GAREM1: variants seen among roughly 807,000 people sequenced by gnomAD.
The protein encoded by GAREM1 is GRB2 associated regulator of MAPK1 subtype 1, also known as GRB2-associated and regulator of MAPK protein 1.
Under a neutral mutation model 71.3 loss-of-function variants are expected in GAREM1, and 26 were observed. The observed-to-expected ratio is 0.36, with a 90% CI of 0.27 to 0.51. The LOEUF (loss-of-function observed/expected upper bound fraction) is 0.51, where lower values mean the gene tolerates loss of function less well. GAREM1 is among the 20% of genes least tolerant of loss of function. GAREM1 has a pLI of 0.95. For synonymous variants in GAREM1, 440 were observed against 433.2 expected, an observed-to-expected ratio of 1.02 and a Z score of -0.20; for missense variants, 1,026 against 1,103.1, an observed-to-expected ratio of 0.93 and a Z score of 0.99.
chr18:32,372,525 AAAAC>A (rs1334838971), intron 2 of GAREM1, among the ~76,000 whole-genome samples: 2 of 152,228 alleles, frequency 1.3e-5, no homozygotes, highest in Non-Finnish European at 2.9e-5. Flanking sequence ...TATGCCTCTG[AAAAC>A]AAACAACCTT....
intron 2 of GAREM1, among the ~76,000 whole-genome samples, chr18:32,363,129 G>A (rs2047883194): frequency 6.6e-6 from 1 of 151,820 alleles, no homozygotes; most frequent in South Asian, 2.1e-4. Context: ...CTGAAAAACT[G>A]GATATACCAA....
chr18:32,266,008 A>C lies in GAREM1; in HGVS notation c.*1863T>G, dbSNP rs1487094333. 1 of 152,192 alleles carries C rather than the reference A, an allele frequency of 6.6e-6. No individual in the cohort carries two copies. The highest frequency in any genetic ancestry group is 1.5e-5 in the Non-Finnish European group (1 of 68,036). The allele number at this position is 152,192 out of a possible 1,614,324, so 9.4% of individuals were successfully genotyped here. ...CATGTCCTGTGAGTGCAGTACCAGCACTTCCTCATTGAGTTATCTGTGACT... is the reference window on the plus strand; with the variant it reads ...CATGTCCTGTGAGTGCAGTACCAGCCCTTCCTCATTGAGTTATCTGTGACT... On this transcript the variant is annotated 3_prime_UTR_variant, in exon 6 of 6. Transcript: ENST00000269209.
chr18:32,332,901 G>C (rs750526517), intron 2 of GAREM1, among the ~76,000 whole-genome samples: 1 of 152,100 alleles, frequency 6.6e-6, no homozygotes, highest in Non-Finnish European at 1.5e-5. Context: ...AGTATCAGTG[G>C]CCAATATAGT....
chr18:32,337,252 A>G (rs2047605386), intron 2 of GAREM1, among the ~76,000 whole-genome samples: 1 of 152,246 alleles, frequency 6.6e-6, no homozygotes, highest in Non-Finnish European at 1.5e-5. Context: ...AATTGGGACT[A>G]ACAGAGCCAT....
At chr18:32,351,419 A>G (rs187895922) in intron 2 of GAREM1, among the ~76,000 whole-genome samples, 39 of 152,312 alleles carry the variant, frequency 2.6e-4, no homozygotes, top group Non-Finnish European at 5.4e-4. Context: ...GCCCTAACTT[A>G]ATTCAGATAT....
intron 4 of GAREM1, among the ~76,000 whole-genome samples, chr18:32,286,321 A>AGTGTGTGTGTGT (rs140225815): frequency 1.2e-3 from 172 of 143,222 alleles, no homozygotes; most frequent in Middle Eastern, 3.6e-3. Flanking sequence ...CTGGTTCTGG[A>AGTGTGTGTGTGT]GTGTGTGTGT....
chr18:32,364,018 A>G (rs1199732081), intron 2 of GAREM1, among the ~76,000 whole-genome samples: 5 of 48,198 alleles, frequency 1.0e-4, no homozygotes, highest in African/African-American at 4.5e-4. Flanking sequence ...ATATATATAT[A>G]TATATATATG....
intron 1 of GAREM1, among the ~76,000 whole-genome samples, chr18:32,466,580 C>T (rs1328573397): frequency 3.9e-5 from 6 of 152,106 alleles, no homozygotes; most frequent in Non-Finnish European, 8.8e-5. Flanking sequence ...TGTAAGAATG[C>T]TACTCTAACA....
At chr18:32,315,506 T>C (rs560028060) in intron 2 of GAREM1, among the ~76,000 whole-genome samples, 2 of 147,154 alleles carry the variant, frequency 1.4e-5, no homozygotes, top group South Asian at 4.2e-4. Context: ...TATAAAAAAG[T>C]AGATATATAT....
rs182411516 is a variant in GAREM1, at chr18:32,375,680, T to C, written c.262+17215A>G. ...TTTGATTAAAGGCAATCAAAGGAAG[T>C]TAAGAAGCAGTGATTTGGAATTGAT... On this transcript the variant is annotated intron_variant, in intron 2 of 5. Coordinates refer to ENST00000269209, the MANE Select transcript of GAREM1 (RefSeq NM_001242409.2). 2.4e-3 allele frequency among the ~76,000 whole-genome samples: 368 copies of C among 152,284 alleles called. 3 individuals are homozygous for C. The highest frequency in any genetic ancestry group is 0.01 in the Middle Eastern group (3 of 294).
chr18:32,462,991 A>G (rs1157149393), intron 1 of GAREM1, among the ~76,000 whole-genome samples: 2 of 152,120 alleles, frequency 1.3e-5, no homozygotes, highest in African/African-American at 4.8e-5. Flanking sequence ...AAAAGGAAGA[A>G]TAAGTGTCCT....
At chr18:32,397,350 A>T (rs1459924740) in intron 1 of GAREM1, among the ~76,000 whole-genome samples, 1 of 152,210 alleles carries the variant, frequency 6.6e-6, no homozygotes, top group Non-Finnish European at 1.5e-5. Flanking sequence ...TTAAAGACAC[A>T]AACTGAAAAA....
chr18:32,420,728 C>G (rs901411447), intron 1 of GAREM1, among the ~76,000 whole-genome samples: 2 of 146,620 alleles, frequency 1.4e-5, no homozygotes, highest in Non-Finnish European at 3.0e-5. Flanking sequence ...CTGGGCAACA[C>G]AGTGAGACCC....
At chr18:32,355,331 G>T (rs894307565) in intron 2 of GAREM1, among the ~76,000 whole-genome samples, 1 of 152,062 alleles carries the variant, frequency 6.6e-6, no homozygotes, top group African/African-American at 2.4e-5. Flanking sequence ...ATGCTGCCTA[G>T]AACCCTATCT....
At chr18:32,348,204 C>A (rs1347457973) in intron 2 of GAREM1, among the ~76,000 whole-genome samples, 1 of 152,106 alleles carries the variant, frequency 6.6e-6, no homozygotes, top group African/African-American at 2.4e-5. Flanking sequence ...TGGAATTCAG[C>A]AAGTCATTAC....
rs1340581102 is a variant in GAREM1, at chr18:32,268,516, C to T, written c.1986G>A (p.Lys662=). ...YPRQKTPGTP[K]RNCPAPFDFD... ...AATCAAAAGGTGCTGGGCAGTTTCT[C>T]TTTGGTGTGCCTGGCGTCTTTTGTC... Residue 662 remains lysine, a synonymous_variant, in exon 6 of 6, where the codon AAG becomes AAA. Coordinates refer to ENST00000269209, the MANE Select transcript of GAREM1 (RefSeq NM_001242409.2). 2 of 1,614,032 alleles carry T rather than the reference C, an allele frequency of 1.2e-6. No homozygotes were observed. The highest frequency in any genetic ancestry group is 1.7e-6 in the Non-Finnish European group (2 of 1,180,036).
intron 2 of GAREM1, among the ~76,000 whole-genome samples, chr18:32,385,172 T>G (rs1179139892): frequency 1.3e-5 from 2 of 152,018 alleles, no homozygotes; most frequent in Non-Finnish European, 2.9e-5. Context: ...GTCCTCTTTC[T>G]TGGCTTCCCT....
intron 5 of GAREM1, among the ~76,000 whole-genome samples, chr18:32,269,374 C>A (rs1258033806): frequency 6.6e-6 from 1 of 152,160 alleles, no homozygotes; most frequent in Non-Finnish European, 1.5e-5. Context: ...CTGTAATGAG[C>A]ACATGTGGAG....
intron 4 of GAREM1, among the ~76,000 whole-genome samples, chr18:32,271,299 T>G (rs898835490): frequency 6.6e-6 from 1 of 152,132 alleles, no homozygotes; most frequent in Non-Finnish European, 1.5e-5. Flanking sequence ...TTCAAGCAAT[T>G]CTCCTGCCTC....
Sources: allele counts gnomAD v4.1 joint callset (sites outside exome capture counted in the v4.1 genomes callset), GRCh38; gene constraint gnomAD v4.1.1; transcripts MANE v1.5; gene names NCBI Gene and HGNC (gene_info 2026-07-23, HGNC 2026-07-21).